The following SLC2A9 variants were observed in gnomAD, a reference collection of about 807,000 sequenced individuals.
SLC2A9 encodes solute carrier family 2 member 9, also known as solute carrier family 2, facilitated glucose transporter member 9.
SLC2A9 carries 39 observed loss-of-function variants against 50.6 expected under a neutral mutation model. The ratio of observed to expected loss-of-function variants is 0.77; its 90% CI spans 0.60 to 1.01. The LOEUF is 1.01. Among genes scored for constraint, SLC2A9 ranks in the 50% least tolerant of loss-of-function variants. The probability of loss-of-function intolerance (pLI) is 0.00; values close to 1 mark genes in which losing one functional copy is unlikely to be tolerated. For synonymous variants in SLC2A9, 324 were observed against 276.9 expected (o/e 1.17, Z -1.69); for missense variants, 686 against 677.6 (o/e 1.01, Z -0.14).
intron 5 of SLC2A9, among the ~76,000 whole-genome samples, chr4:9,956,323 A>C (rs1287267140): frequency 1.8e-5 from 2 of 111,412 alleles, no homozygotes; most frequent in East Asian, 4.0e-4. Context: ...GTCTACTAAA[A>C]ATACAAAAAA....
intron 10 of SLC2A9, among the ~76,000 whole-genome samples, chr4:9,864,705 A>G (rs1011283670): frequency 1.3e-5 from 2 of 152,232 alleles, no homozygotes; most frequent in African/African-American, 4.8e-5. Flanking sequence ...GGGAAGCATA[A>G]AAGAGAGAAA....
intron 1 of SLC2A9, among the ~76,000 whole-genome samples, chr4:10,029,574 A>ATTTTTT (rs1470059431): frequency 1.4e-5 from 1 of 73,792 alleles, no homozygotes; most frequent in African/African-American, 6.0e-5. Flanking sequence ...TATTTATTTT[A>ATTTTTT]TATTTTTATT....
At position 9,947,416 on chromosome 4, in the gene SLC2A9, T is replaced by C. The variant is rs191041567; in HGVS notation, c.682-5371A>G. Reference sequence around the variant, plus strand: ...AGCACTCAGCTCCCTGATAAGGGGGTGGGCTGAGGCTAAATCCAGCCCACT... The same window carrying C: ...AGCACTCAGCTCCCTGATAAGGGGGCGGGCTGAGGCTAAATCCAGCCCACT... On this transcript the variant is annotated intron_variant, in intron 5 of 11. Transcript: ENST00000264784. Among the ~76,000 whole-genome samples the C allele has an allele frequency of 1.2e-4, 18 of 152,094 alleles. No homozygotes were observed. The East Asian group carries it at 3.5e-3, about 29-fold the overall frequency.
chr4:10,025,809 C>T, upstream of SLC2A9: 1 of 1,230,906 alleles, frequency 8.1e-7, no homozygotes, highest in Non-Finnish European at 1.2e-6. Context: ...CCAGCTTCAC[C>T]TTAACAGCCT....
chr4:9,785,625 A>T (rs1719120514), intron 3 of SLC2A9, among the ~76,000 whole-genome samples: 1 of 152,248 alleles, frequency 6.6e-6, no homozygotes, highest in African/African-American at 2.4e-5. Context: ...GAAATGGATT[A>T]TGTGAGGACT....
chr4:9,957,154 A>G (rs1751453980), intron 5 of SLC2A9, among the ~76,000 whole-genome samples: 1 of 152,034 alleles, frequency 6.6e-6, no homozygotes. Flanking sequence ...CTCACAATCA[A>G]TGGAACCACA....
intron 9 of SLC2A9, among the ~76,000 whole-genome samples, chr4:9,889,645 C>G (rs758001314): frequency 6.6e-6 from 1 of 152,214 alleles, no homozygotes; most frequent in Non-Finnish European, 1.5e-5. Flanking sequence ...CTAACAGTGC[C>G]TTCTTCTAGA....
chr4:9,856,818 A>G (rs1577555770), intron 10 of SLC2A9, among the ~76,000 whole-genome samples: 1 of 152,226 alleles, frequency 6.6e-6, no homozygotes, highest in African/African-American at 2.4e-5. Flanking sequence ...TTGCAGCAAC[A>G]TGGATGGAGC....
At chr4:9,866,913 C>A (rs899284948) in intron 10 of SLC2A9, among the ~76,000 whole-genome samples, 1 of 152,226 alleles carries the variant, frequency 6.6e-6, no homozygotes, top group East Asian at 1.9e-4. Flanking sequence ...GTCCTCCCCA[C>A]TTCATGTTGG....
chr4:9,950,155 T>G (rs751207515), intron 5 of SLC2A9, among the ~76,000 whole-genome samples: 49 of 152,192 alleles, frequency 3.2e-4, no homozygotes, highest in Admixed American at 6.5e-5. Flanking sequence ...GCTCAATTCA[T>G]TGCAGCAAAT....
intron 6 of SLC2A9, among the ~76,000 whole-genome samples, chr4:9,939,032 C>T (rs1747652530): frequency 2.6e-5 from 4 of 152,174 alleles, no homozygotes; most frequent in Admixed American, 2.6e-4. Flanking sequence ...AACTTTGAAG[C>T]CCCTTCCACT....
chr4:9,844,678 C>G (rs969664753), intron 10 of SLC2A9, among the ~76,000 whole-genome samples: 5 of 152,222 alleles, frequency 3.3e-5, no homozygotes, highest in Admixed American at 2.6e-4. Context: ...TGTCTTGTGG[C>G]GACAGCGCCC....
In SLC2A9 at chr4:9,960,364, G is replaced by A. The variant is rs528530994; in HGVS notation, c.682-18319C>T. Among the ~76,000 whole-genome samples the A allele has an allele frequency of 4.6e-5, 7 of 152,272 alleles. No homozygotes were observed. In the East Asian group the frequency reaches 1.3e-3, roughly 29 times the overall value. Reference sequence around the variant, plus strand: ...TACAAGTAAGTTAATACAAAATGCTGCCTAACTCTCCCCATCAAATACCTA... The same window carrying A: ...TACAAGTAAGTTAATACAAAATGCTACCTAACTCTCCCCATCAAATACCTA... On this transcript the variant is annotated intron_variant, in intron 5 of 11. Coordinates refer to ENST00000264784, the MANE Select transcript of SLC2A9 (RefSeq NM_020041.3).
chr4:10,021,649 C>G (rs1763515204), upstream of SLC2A9, among the ~76,000 whole-genome samples: 1 of 151,952 alleles, frequency 6.6e-6, no homozygotes, highest in African/African-American at 2.4e-5. Flanking sequence ...AATCTGTCCT[C>G]TCCAGGATTG....
At chr4:10,002,646 A>G (rs886838950) in intron 2 of SLC2A9, among the ~76,000 whole-genome samples, 3 of 152,230 alleles carry the variant, frequency 2.0e-5, no homozygotes, top group Admixed American at 2.0e-4. Flanking sequence ...TGAGGTTAGG[A>G]GTTTGAGACT....
At chr4:9,906,566 G>A (rs756698759) in intron 8 of SLC2A9, among the ~76,000 whole-genome samples, 2 of 152,198 alleles carry the variant, frequency 1.3e-5, no homozygotes, top group Non-Finnish European at 2.9e-5. Flanking sequence ...ATACATCTAT[G>A]CATAGAAAGA....
At chr4:9,816,848 C>CATGTTTTA (rs1255263151) in intron 3 of SLC2A9, among the ~76,000 whole-genome samples, 7 of 146,380 alleles carry the variant, frequency 4.8e-5, no homozygotes, top group African/African-American at 1.7e-4. Flanking sequence ...CACGCACATA[C>CATGTTTTA]ACCCTCTTAG....
intron 10 of SLC2A9, among the ~76,000 whole-genome samples, chr4:9,846,909 A>C (rs2109276392): frequency 6.6e-6 from 1 of 152,314 alleles, no homozygotes; most frequent in Admixed American, 6.5e-5. Context: ...GTGTGTCCAT[A>C]TGTCACTTAA....
At chr4:9,975,001 G>C (rs1346986880) in intron 5 of SLC2A9, among the ~76,000 whole-genome samples, 1 of 152,162 alleles carries the variant, frequency 6.6e-6, no homozygotes, top group African/African-American at 2.4e-5. Context: ...ATAAGCAATG[G>C]GGAAAGGACT....
Sources: gnomAD v4.1 joint callset for allele counts (sites outside exome capture counted in the v4.1 genomes callset) on GRCh38, gnomAD v4.1.1 for gene constraint, MANE v1.5 for transcripts, NCBI Gene and HGNC (gene_info 2026-07-23, HGNC 2026-07-21) for gene names.